The following CDK19 variants were observed in gnomAD, a reference collection of about 807,000 sequenced individuals.
CDK19 encodes the protein cyclin dependent kinase 19, also known as cyclin-dependent kinase 19.
Under a neutral mutation model 68.3 loss-of-function variants are expected in CDK19, and 20 were observed. That is an observed-to-expected ratio of 0.29 (90% confidence interval 0.21 to 0.43). The LOEUF (loss-of-function observed/expected upper bound fraction) is 0.43, where lower values mean the gene tolerates loss of function less well. CDK19 is among the 20% of genes least tolerant of loss of function. The pLI, the probability that CDK19 is intolerant of heterozygous loss-of-function variation, is 1.00. For synonymous variants in CDK19, 221 were observed against 222.8 expected, an observed-to-expected ratio of 0.99 and a Z score of 0.07; for missense variants, 339 against 623.5, an observed-to-expected ratio of 0.54 and a Z score of 4.86.
intron 2 of CDK19, among the ~76,000 whole-genome samples, chr6:110,727,081 T>C (rs1389680478): frequency 6.6e-6 from 1 of 152,136 alleles, no homozygotes; most frequent in Non-Finnish European, 1.5e-5. Context: ...TTTCAATAAG[T>C]AGGAAAGACA....
At chr6:110,617,706 A>C (rs1347767807) in intron 12 of CDK19, among the ~76,000 whole-genome samples, 13 of 85,960 alleles carry the variant, frequency 1.5e-4, no homozygotes, top group East Asian at 8.7e-4. Context: ...CACACACACA[A>C]ATTAGCCGGG....
intron 3 of CDK19, 87 bp from the exon 4 acceptor site, chr6:110,667,661 T>C: frequency 1.6e-6 from 1 of 632,090 alleles, no homozygotes; most frequent in African/African-American, 1.9e-5. Context: ...AAATGCTCTA[T>C]ATTTTAAAAT....
chr6:110,741,625 CCAAAGA>C (rs1445136891), intron 2 of CDK19, among the ~76,000 whole-genome samples: 2 of 151,236 alleles, frequency 1.3e-5, no homozygotes, highest in Non-Finnish European at 2.9e-5. Flanking sequence ...ACTGTCAAAG[CCAAAGA>C]CAAAGACAGA....
intron 8 of CDK19, 129 bp downstream of exon 8, chr6:110,626,647 T>C (rs1236050172): frequency 1.7e-6 from 1 of 572,264 alleles, no homozygotes; most frequent in East Asian, 2.8e-5. Context: ...AACATGCCAG[T>C]GCCTTGACCT....
intron 1 of CDK19, among the ~76,000 whole-genome samples, chr6:110,760,842 T>A (rs1779182164): frequency 6.6e-6 from 1 of 152,216 alleles, no homozygotes; most frequent in Non-Finnish European, 1.5e-5. Context: ...ACTCGCTCTA[T>A]ATCACAAAGC....
At chr6:110,706,993 T>C (rs1457592264) in intron 2 of CDK19, 1 of 98,618 alleles carries the variant, frequency 1.0e-5, no homozygotes, top group Non-Finnish European at 2.0e-5. Context: ...ATCTCTCTTT[T>C]ACAGTTAAAA....
At chr6:110,623,878 C>CGT (rs1778902227) in intron 8 of CDK19, among the ~76,000 whole-genome samples, 1 of 78,266 alleles carries the variant, frequency 1.3e-5, no homozygotes, top group Non-Finnish European at 2.2e-5. Context: ...AGTATATATA[C>CGT]GTATATATAT....
chr6:110,800,305 G>A lies in CDK19; in HGVS notation c.128+14704C>T, dbSNP rs556326210. On this transcript the variant is annotated intron_variant, in intron 1 of 12. Coordinates refer to ENST00000368911, the MANE Select transcript of CDK19 (RefSeq NM_015076.5). ...AATATCAAGTTATGAAATGGAATCA[G>A]TAATTAAAAGCCTACCAACCAAAAA... 3.3e-5 allele frequency among the ~76,000 whole-genome samples: 5 copies of A among 152,240 alleles called. No individual in the cohort carries two copies. The East Asian group carries it at 9.6e-4, about 29-fold the overall frequency.
intron 2 of CDK19, among the ~76,000 whole-genome samples, chr6:110,733,722 A>G (rs1414145827): frequency 9.9e-5 from 15 of 151,926 alleles, no homozygotes; most frequent in Admixed American, 9.9e-4. Context: ...AACACAAAAA[A>G]CATAGCAGAG....
intron 3 of CDK19, among the ~76,000 whole-genome samples, chr6:110,670,130 C>T (rs570643523): frequency 1.3e-5 from 2 of 152,210 alleles, no homozygotes. Context: ...GCACTCCAGC[C>T]TGGGCAACAA....
intron 1 of CDK19, among the ~76,000 whole-genome samples, chr6:110,759,574 G>A (rs978077758): frequency 3.3e-5 from 5 of 150,494 alleles, no homozygotes; most frequent in Admixed American, 1.3e-4. Flanking sequence ...TTGCACTCTA[G>A]CCCAGCAGTT....
chr6:110,670,065 G>A (rs1770868211), intron 3 of CDK19, among the ~76,000 whole-genome samples: 1 of 152,094 alleles, frequency 6.6e-6, no homozygotes, highest in Admixed American at 6.5e-5. Context: ...GCTGAGGCAG[G>A]AGAATCGCTT....
At chr6:110,755,203 G>A (rs1201714056) in intron 1 of CDK19, among the ~76,000 whole-genome samples, 1 of 152,132 alleles carries the variant, frequency 6.6e-6, no homozygotes, top group Non-Finnish European at 1.5e-5. Flanking sequence ...ACCATGCTCA[G>A]CTAATTTTTG....
intron 5 of CDK19, among the ~76,000 whole-genome samples, chr6:110,635,328 T>C (rs1779697165): frequency 6.6e-6 from 1 of 152,178 alleles, no homozygotes; most frequent in South Asian, 2.1e-4. Flanking sequence ...TCTGGAACAA[T>C]GTATAATAAA....
intron 4 of CDK19, among the ~76,000 whole-genome samples, chr6:110,649,598 C>T (rs1229507106): frequency 6.6e-6 from 1 of 151,970 alleles, no homozygotes; most frequent in Non-Finnish European, 1.5e-5. Context: ...ATATGCAACA[C>T]ATATAAGCAA....
chr6:110,715,145 C>G (rs1277887349), intron 2 of CDK19, among the ~76,000 whole-genome samples: 1 of 152,132 alleles, frequency 6.6e-6, no homozygotes, highest in Non-Finnish European at 1.5e-5. Flanking sequence ...TTCAAGTCTG[C>G]AGACTGGTTT....
chr6:110,797,069 C>T (rs538908147), intron 1 of CDK19, among the ~76,000 whole-genome samples: 45 of 150,356 alleles, frequency 3.0e-4, no homozygotes, highest in African/African-American at 1.1e-3. Flanking sequence ...TGGCTGGGCA[C>T]GGTGGCTCAC....
intron 2 of CDK19, among the ~76,000 whole-genome samples, chr6:110,731,441 G>C (rs1776752014): frequency 6.6e-6 from 1 of 152,176 alleles, no homozygotes; most frequent in Non-Finnish European, 1.5e-5. Flanking sequence ...GTTGGGGAGG[G>C]GAAGGGGTAA....
intron 4 of CDK19, among the ~76,000 whole-genome samples, chr6:110,647,455 C>G (rs1054448185): frequency 6.6e-6 from 1 of 151,930 alleles, no homozygotes; most frequent in African/African-American, 2.4e-5. Flanking sequence ...GCCTTTGGGA[C>G]GACTGGAGCA....
Sources: gnomAD v4.1 joint callset for allele counts (sites outside exome capture counted in the v4.1 genomes callset) on GRCh38, gnomAD v4.1.1 for gene constraint, MANE v1.5 for transcripts, NCBI Gene and HGNC (gene_info 2026-07-23, HGNC 2026-07-21) for gene names.